Variants in MKLN1 observed in about 807,000 individuals in gnomAD.
MKLN1 encodes muskelin 1.
A neutral mutation model predicts 99.0 loss-of-function variants in MKLN1; 18 were observed. That is an observed-to-expected ratio of 0.18 (90% CI 0.13 to 0.27). The LOEUF is 0.27. Among genes scored for constraint, MKLN1 ranks in the 10% least tolerant of loss-of-function variants. The pLI, the probability that MKLN1 is intolerant of heterozygous loss-of-function variation, is 1.00. For missense variants in MKLN1, 621 were observed against 875.9 expected, an observed-to-expected ratio of 0.71 and a Z score of 3.67; for synonymous variants, 288 against 293.2, an observed-to-expected ratio of 0.98 and a Z score of 0.18.
At chr7:131,298,527 T>C (rs984617202) in intron 3 of MKLN1, among the ~76,000 whole-genome samples, 1 of 152,196 alleles carries the variant, frequency 6.6e-6, no homozygotes, top group African/African-American at 2.4e-5. Flanking sequence ...AGCTGTATCT[T>C]GGGAAGAGAA....
At chr7:131,486,394 A>G (rs542498598) in intron 17 of MKLN1, among the ~76,000 whole-genome samples, 4 of 152,242 alleles carry the variant, frequency 2.6e-5, no homozygotes, top group African/African-American at 9.6e-5. Context: ...AGCTCATCTC[A>G]AGTAAACATT....
chr7:131,209,535 G>A (rs146036162), intron 3 of MKLN1, among the ~76,000 whole-genome samples: 51 of 152,260 alleles, frequency 3.3e-4, no homozygotes, highest in African/African-American at 6.0e-4. Flanking sequence ...TTATCAGCTC[G>A]GGCACTGGGT....
intron 1 of MKLN1, among the ~76,000 whole-genome samples, chr7:131,343,750 T>A (rs979199426): frequency 5.3e-5 from 8 of 152,302 alleles, no homozygotes; most frequent in Non-Finnish European, 7.4e-5. Context: ...TGATTTTTTT[T>A]ATGGTATTCT....
chr7:131,480,992 A>C (rs1408231806), intron 17 of MKLN1, among the ~76,000 whole-genome samples: 1 of 152,196 alleles, frequency 6.6e-6, no homozygotes, highest in Non-Finnish European at 1.5e-5. Context: ...TTTGACTCTG[A>C]CCTATTCACT....
At chr7:131,167,671 C>CAAAAAAAA (rs59503509) in intron 2 of MKLN1, among the ~76,000 whole-genome samples, 1 of 116,112 alleles carries the variant, frequency 8.6e-6, no homozygotes, top group East Asian at 2.2e-4. Flanking sequence ...GACTCTGTCT[C>CAAAAAAAA]AAAAAAAAAA....
chr7:131,376,985 G>A (rs763720681), intron 2 of MKLN1, among the ~76,000 whole-genome samples: 24 of 151,786 alleles, frequency 1.6e-4, no homozygotes, highest in Non-Finnish European at 2.1e-4. Flanking sequence ...TATTAATATC[G>A]TTATATGTAA....
At chr7:131,363,975 T>C (rs1441507865) in intron 1 of MKLN1, among the ~76,000 whole-genome samples, 1 of 152,058 alleles carries the variant, frequency 6.6e-6, no homozygotes, top group Admixed American at 6.6e-5. Context: ...TCAGTAAATA[T>C]TTGTTTGATA....
At position 131,194,547 on chromosome 7, in the gene MKLN1, A is replaced by G. The variant is rs192663240; in HGVS notation, c.-296-8310A>G. On this transcript the variant is annotated intron_variant, in intron 2 of 7. Transcript: ENST00000416992. Reference sequence around the variant, plus strand: ...TAGCTTAAATCAATACATTAAATCCATATGCTTGAGATCCATACTTACGGC... The same window carrying G: ...TAGCTTAAATCAATACATTAAATCCGTATGCTTGAGATCCATACTTACGGC... Among the ~76,000 whole-genome samples, 46 of 152,358 alleles carry G rather than the reference A, an allele frequency of 3.0e-4. 1 individual carries two copies. In the East Asian group the frequency reaches 6.5e-3, roughly 22 times the overall value.
intron 3 of MKLN1, among the ~76,000 whole-genome samples, chr7:131,298,076 G>C (rs1798320751): frequency 6.6e-6 from 1 of 152,000 alleles, no homozygotes; most frequent in African/African-American, 2.4e-5. Context: ...GAGGTCAGGA[G>C]ATCGAGACCA....
At chr7:131,438,701 C>T (rs1408281461) in intron 10 of MKLN1, among the ~76,000 whole-genome samples, 1 of 151,576 alleles carries the variant, frequency 6.6e-6, no homozygotes, top group East Asian at 1.9e-4. Context: ...CAAGTTTTTA[C>T]CTGGCTCAAC....
intron 14 of MKLN1, among the ~76,000 whole-genome samples, chr7:131,464,836 ACC>A (rs1744888793): frequency 1.3e-5 from 2 of 152,150 alleles, no homozygotes; most frequent in Non-Finnish European, 1.5e-5. Context: ...TACTAGTGAT[ACC>A]TCTTTTAAAT....
At chr7:131,469,944 T>A (rs1192293610) in intron 15 of MKLN1, among the ~76,000 whole-genome samples, 2 of 150,704 alleles carry the variant, frequency 1.3e-5, no homozygotes, top group Non-Finnish European at 3.0e-5. Context: ...GGTACAATCA[T>A]GGCTCACTAC....
chr7:131,399,459 G>A, intron 6 of MKLN1, 26 bp downstream of exon 6: 13 of 1,588,806 alleles, frequency 8.2e-6, no homozygotes, highest in South Asian at 2.3e-5. Context: ...TGGTTATTAG[G>A]GTAAATTCAA....
intron 12 of MKLN1, among the ~76,000 whole-genome samples, chr7:131,455,437 G>T (rs1316241777): frequency 1.3e-5 from 2 of 152,192 alleles, no homozygotes; most frequent in African/African-American, 4.8e-5. Flanking sequence ...AAGAAATAGA[G>T]TTGAAGGATT....
At chr7:131,194,211 C>T (rs1329960107) in intron 2 of MKLN1, among the ~76,000 whole-genome samples, 14 of 151,978 alleles carry the variant, frequency 9.2e-5, no homozygotes, top group Non-Finnish European at 1.9e-4. Context: ...ATTGTACAAC[C>T]ACCACTTGCA....
At chr7:131,360,000 C>T (rs1001651238) in intron 1 of MKLN1, among the ~76,000 whole-genome samples, 2 of 152,212 alleles carry the variant, frequency 1.3e-5, no homozygotes, top group South Asian at 2.1e-4. Flanking sequence ...CCACCCGCCT[C>T]GGCCTCCCAA....
intron 3 of MKLN1, among the ~76,000 whole-genome samples, chr7:131,248,885 G>A (rs1797536325): frequency 6.6e-6 from 1 of 152,144 alleles, no homozygotes; most frequent in South Asian, 2.1e-4. Flanking sequence ...TATTCTCTGG[G>A]AACAAGAATC....
intron 1 of MKLN1, among the ~76,000 whole-genome samples, chr7:131,365,739 A>C (rs575288036): frequency 6.6e-6 from 1 of 152,294 alleles, no homozygotes; most frequent in East Asian, 1.9e-4. Context: ...GCTTTGTTGA[A>C]GATCAGATGA....
At chr7:131,210,931 G>T (rs987462219) in intron 3 of MKLN1, among the ~76,000 whole-genome samples, 1 of 151,330 alleles carries the variant, frequency 6.6e-6, no homozygotes, top group Non-Finnish European at 1.5e-5. Flanking sequence ...GGTGGGGAAA[G>T]CTCAGTCTGA....
Sources: gnomAD v4.1 joint callset for allele counts (sites outside exome capture counted in the v4.1 genomes callset) on GRCh38, gnomAD v4.1.1 for gene constraint, MANE v1.5 for transcripts, NCBI Gene and HGNC (gene_info 2026-07-23, HGNC 2026-07-21) for gene names.